Variants in CAST observed in about 807,000 individuals in gnomAD.
CAST encodes the protein calpastatin.
CAST carries 76 observed loss-of-function variants against 119.6 expected under a neutral mutation model. The observed-to-expected ratio is 0.64, with a 90% CI of 0.53 to 0.77. CAST has a LOEUF of 0.77. CAST is among the 30% of genes least tolerant of loss of function. The pLI is 0.00. For missense variants in CAST, 953 were observed against 946.5 expected (o/e 1.01, Z -0.09); for synonymous variants, 319 against 331.6 (o/e 0.96, Z 0.41).
the CAST span, among the ~76,000 whole-genome samples, chr5:96,210,659 T>C: frequency 1.3e-5 from 2 of 152,074 alleles, no homozygotes; most frequent in African/African-American, 4.8e-5. Context: ...TAAAGCTGTT[T>C]TTCTTCCTTT....
the CAST span, among the ~76,000 whole-genome samples, chr5:96,411,309 A>G: frequency 1.3e-5 from 2 of 152,210 alleles, no homozygotes; most frequent in African/African-American, 2.4e-5. Context: ...ATGTCACTGC[A>G]CTTAAATCTT....
At chr5:96,634,915 A>G (rs945328457) in intron 1 of CAST, among the ~76,000 whole-genome samples, 9 of 152,228 alleles carry the variant, frequency 5.9e-5, no homozygotes, top group African/African-American at 9.6e-5. Flanking sequence ...TTCTTAAAGA[A>G]CTCACAATCT....
intron 2 of CAST, chr5:96,679,574 G>T: frequency 6.6e-6 from 1 of 151,980 alleles, no homozygotes; most frequent in South Asian, 2.1e-4. Flanking sequence ...AGTATAAAAC[G>T]GGCATGATCT....
chr5:96,416,096 T>C, the CAST span: 1 of 1,612,452 alleles, frequency 6.2e-7, no homozygotes, highest in East Asian at 2.2e-5. Context: ...TGCATGGCAA[T>C]TTCTCCTGCA....
At chr5:96,736,703 A>G (rs1487416257) in intron 10 of CAST, among the ~76,000 whole-genome samples, 1 of 152,080 alleles carries the variant, frequency 6.6e-6, no homozygotes, top group Non-Finnish European at 1.5e-5. Context: ...TTAAATAATT[A>G]TTTTTCATCT....
At chr5:96,350,560 G>T in the CAST span, among the ~76,000 whole-genome samples, 3 of 152,098 alleles carry the variant, frequency 2.0e-5, no homozygotes, top group East Asian at 5.8e-4. Context: ...CAAATTGTAA[G>T]GGACATATGT....
At chr5:96,560,367 A>C (rs1746332034) in intron 1 of CAST, among the ~76,000 whole-genome samples, 1 of 151,910 alleles carries the variant, frequency 6.6e-6, no homozygotes, top group Non-Finnish European at 1.5e-5. Context: ...GGATCTAATT[A>C]AACTAAAGAG....
chr5:96,245,401 A>G, the CAST span, among the ~76,000 whole-genome samples: 1 of 152,198 alleles, frequency 6.6e-6, no homozygotes, highest in Non-Finnish European at 1.5e-5. Context: ...TTTATCTTTA[A>G]CTGTTCTAAC....
At chr5:96,587,190 A>G (rs1161803050) in intron 1 of CAST, among the ~76,000 whole-genome samples, 1 of 152,248 alleles carries the variant, frequency 6.6e-6, no homozygotes, top group African/African-American at 2.4e-5. Context: ...AGGTTTGTAC[A>G]GCACATTTTT....
chr5:96,682,363 G>A (rs1454484994), intron 2 of CAST, among the ~76,000 whole-genome samples: 1 of 152,056 alleles, frequency 6.6e-6, no homozygotes, highest in Non-Finnish European at 1.5e-5. Flanking sequence ...TTTGGTTTTC[G>A]TTTTTGGTTT....
chr5:95,973,936 A>C, the CAST span, among the ~76,000 whole-genome samples: 2 of 152,002 alleles, frequency 1.3e-5, no homozygotes, highest in African/African-American at 4.8e-5. Context: ...TAGAAAAAAG[A>C]CCCGTGTACA....
At chr5:96,657,340 G>A (rs951956117), upstream of CAST, among the ~76,000 whole-genome samples, 6 of 152,090 alleles carry the variant, frequency 3.9e-5, no homozygotes, top group East Asian at 3.8e-4. Flanking sequence ...TCAGTGTATC[G>A]TCCCAATCTA....
chr5:96,076,598 G>A, the CAST span, among the ~76,000 whole-genome samples: 1 of 152,196 alleles, frequency 6.6e-6, no homozygotes, highest in South Asian at 2.1e-4. Flanking sequence ...TGAGTAATTA[G>A]TAGCTATAGC....
chr5:96,606,592 C>G (rs969465637), intron 1 of CAST, among the ~76,000 whole-genome samples: 1 of 152,200 alleles, frequency 6.6e-6, no homozygotes, highest in Non-Finnish European at 1.5e-5. Flanking sequence ...TTTCCTGGTT[C>G]TCGTATTCTT....
the CAST span, among the ~76,000 whole-genome samples, chr5:96,441,296 T>A: frequency 1.3e-5 from 2 of 152,332 alleles, no homozygotes; most frequent in East Asian, 3.9e-4. Flanking sequence ...TCTCCCTTTT[T>A]TCCTACTCAC....
the CAST span, among the ~76,000 whole-genome samples, chr5:96,169,539 TG>T: frequency 6.6e-6 from 1 of 151,982 alleles, no homozygotes; most frequent in East Asian, 1.9e-4. Context: ...ATGGGGGAAT[TG>T]TAAGGAGAGT....
chr5:96,406,612 GAGATAA>G, the CAST span, among the ~76,000 whole-genome samples: 16 of 152,196 alleles, frequency 1.1e-4, no homozygotes, highest in African/African-American at 3.6e-4. Context: ...AGGGATCCTA[GAGATAA>G]ACTGGACTCT....
the CAST span, among the ~76,000 whole-genome samples, chr5:96,477,596 T>C: frequency 6.6e-6 from 1 of 152,326 alleles, no homozygotes; most frequent in East Asian, 1.9e-4. Flanking sequence ...TCCTAGGACA[T>C]TATATTTGCT....
chr5:96,399,863 TA>T, the CAST span: 5 of 969,866 alleles, frequency 5.2e-6, no homozygotes, highest in South Asian at 6.9e-5. Flanking sequence ...TTCAGAAGGG[TA>T]GATACAAAAA....
Sources: allele counts gnomAD v4.1 joint callset (sites outside exome capture counted in the v4.1 genomes callset), GRCh38; gene constraint gnomAD v4.1.1; transcripts MANE v1.5; gene names NCBI Gene and HGNC (gene_info 2026-07-23, HGNC 2026-07-21).